PIR: variants seen among roughly 807,000 people sequenced by gnomAD.
The protein encoded by PIR is pirin (iron-binding nuclear protein).
Under a neutral mutation model 24.2 loss-of-function variants are expected in PIR, and 22 were observed. The ratio of observed to expected loss-of-function variants is 0.91; its 90% CI spans 0.65 to 1.30. The LOEUF (loss-of-function observed/expected upper bound fraction) is 1.30. Among genes scored for constraint, PIR ranks in the 50% most tolerant of loss-of-function variants. PIR has a pLI of 0.00. For synonymous variants in PIR, 80 were observed against 79.6 expected (o/e 1.00, Z -0.03); for missense variants, 220 against 220.3 (o/e 1.00, Z 0.01).
intron 5 of PIR, among the ~76,000 whole-genome samples, chrX:15,453,140 A>C (rs145934762): frequency 2.5e-3 from 281 of 111,808 alleles, no homozygotes; most frequent in African/African-American, 8.8e-3. Flanking sequence ...CGAAATCACC[A>C]GTTGCTCCCT....
At chrX:15,422,265 G>A (rs1284692400) in intron 6 of PIR, among the ~76,000 whole-genome samples, 2 of 107,681 alleles carry the variant, frequency 1.9e-5, no homozygotes, top group African/African-American at 6.8e-5. Context: ...ACAAGAAAAA[G>A]ATGCCCATTT....
intron 6 of PIR, among the ~76,000 whole-genome samples, chrX:15,423,615 T>TA (rs151069667): frequency 2.4e-4 from 25 of 103,142 alleles, no homozygotes; most frequent in African/African-American, 4.6e-4. Flanking sequence ...GACTCTGTCT[T>TA]AAAAAAAAAA....
At position 15,425,787 on chromosome X, in the gene PIR, T is replaced by A. The variant is rs113711319; in HGVS notation, c.565+119A>T. 7,206 of 493,897 alleles carry A rather than the reference T, an allele frequency of 0.015. 370 individuals are homozygous for A. In the African/African-American group the frequency reaches 0.15, roughly 10 times the overall value. 40.7% of individuals were successfully genotyped at this position (493,897 alleles called of 1,213,427 possible). On this transcript the variant is annotated intron_variant, in intron 6 of 9. Transcript: ENST00000380420. ...CACAATTAAACATAAACAAGAGTTC[T>A]TAGAACTTTGTGCTGAGTTTCAGAA...
At chrX:15,482,258 A>AT (rs1348225903) in intron 2 of PIR, among the ~76,000 whole-genome samples, 1 of 110,768 alleles carries the variant, frequency 9.0e-6, no homozygotes, top group African/African-American at 3.3e-5. Flanking sequence ...TTTTTCTTGT[A>AT]TTTTTACAAG....
chrX:15,415,627 A>T (rs919345289), intron 6 of PIR, among the ~76,000 whole-genome samples: 9 of 112,046 alleles, frequency 8.0e-5, no homozygotes, highest in Non-Finnish European at 1.7e-4. Flanking sequence ...GAGGGAATAT[A>T]AAGTGTTCTT....
At chrX:15,392,875 G>T (rs949561332) in intron 8 of PIR, among the ~76,000 whole-genome samples, 1 of 112,024 alleles carries the variant, frequency 8.9e-6, no homozygotes, top group Non-Finnish European at 1.9e-5. Context: ...GCCTTCTTTG[G>T]TGAAATCTAA....
intron 8 of PIR, among the ~76,000 whole-genome samples, chrX:15,392,972 T>C (rs1924005918): frequency 8.9e-6 from 1 of 112,574 alleles, no homozygotes; most frequent in Non-Finnish European, 1.9e-5. Flanking sequence ...TTGTCTATGA[T>C]GACTTTGTCT....
chrX:15,487,228 A>C (rs978720303), intron 2 of PIR, among the ~76,000 whole-genome samples: 1 of 112,323 alleles, frequency 8.9e-6, no homozygotes, highest in African/African-American at 3.2e-5. Context: ...TTGATAATGA[A>C]AAGCATCATC....
chrX:15,415,005 T>C (rs1319378162), intron 6 of PIR, among the ~76,000 whole-genome samples: 2 of 111,778 alleles, frequency 1.8e-5, no homozygotes, highest in Admixed American at 1.9e-4. Context: ...TTTTCAAGAA[T>C]AGTCGTTTTT....
At chrX:15,481,840 T>C (rs1922520268) in intron 2 of PIR, among the ~76,000 whole-genome samples, 1 of 111,930 alleles carries the variant, frequency 8.9e-6, no homozygotes, top group Non-Finnish European at 1.9e-5. Flanking sequence ...TTGTCTTGCA[T>C]TGGATTAAAG....
At chrX:15,409,284 A>G (rs1329155111) in intron 6 of PIR, among the ~76,000 whole-genome samples, 3 of 71,299 alleles carry the variant, frequency 4.2e-5, no homozygotes, top group Non-Finnish European at 8.2e-5. Flanking sequence ...TTTTTAGTAG[A>G]GACGGGGTTT....
chrX:15,472,902 G>C (rs1246965899), intron 3 of PIR, among the ~76,000 whole-genome samples: 1 of 112,262 alleles, frequency 8.9e-6, no homozygotes, highest in African/African-American at 3.2e-5. Context: ...CATCAGGATA[G>C]TCTGTAGAAA....
chrX:15,442,382 C>A (rs1925945334), intron 5 of PIR, among the ~76,000 whole-genome samples: 1 of 111,433 alleles, frequency 9.0e-6, no homozygotes, highest in African/African-American at 3.3e-5. Flanking sequence ...CTCCTTGGGT[C>A]TCCCTGTTCT....
At chrX:15,468,555 A>T (rs1424137886) in intron 3 of PIR, among the ~76,000 whole-genome samples, 1 of 112,589 alleles carries the variant, frequency 8.9e-6, no homozygotes, top group Non-Finnish European at 1.9e-5. Context: ...TCATTATAAC[A>T]ATATTTAATT....
At chrX:15,415,510 G>A (rs1924884291) in intron 6 of PIR, among the ~76,000 whole-genome samples, 2 of 111,382 alleles carry the variant, frequency 1.8e-5, no homozygotes, top group African/African-American at 6.5e-5. Context: ...TTTCATCAAA[G>A]GATACAAAAT....
intron 5 of PIR, among the ~76,000 whole-genome samples, chrX:15,453,876 T>A (rs1920994226): frequency 1.8e-5 from 2 of 112,054 alleles, no homozygotes; most frequent in South Asian, 7.4e-4. Context: ...ATCACTGGTC[T>A]GATTTCTCTT....
At chrX:15,410,322 T>C (rs777045416) in intron 6 of PIR, among the ~76,000 whole-genome samples, 1 of 112,132 alleles carries the variant, frequency 8.9e-6, no homozygotes, top group African/African-American at 3.2e-5. Context: ...TTGGATACCT[T>C]TCCATGTCAA....
At chrX:15,413,387 T>C (rs1236626155) in intron 6 of PIR, among the ~76,000 whole-genome samples, 1 of 111,267 alleles carries the variant, frequency 9.0e-6, no homozygotes, top group Non-Finnish European at 1.9e-5. Context: ...GAAGTCTACA[T>C]TTTTGCGACG....
Sources: allele counts gnomAD v4.1 joint callset (sites outside exome capture counted in the v4.1 genomes callset), GRCh38; gene constraint gnomAD v4.1.1; transcripts MANE v1.5; gene names NCBI Gene and HGNC (gene_info 2026-07-23, HGNC 2026-07-21).